The following CNTNAP2 variants were observed in gnomAD, a reference collection of about 807,000 sequenced individuals.
CNTNAP2 encodes the protein contactin associated protein 2.
A neutral mutation model predicts 155.2 loss-of-function variants in CNTNAP2; 98 were observed. The observed-to-expected ratio is 0.63, with a 90% CI of 0.54 to 0.75. The LOEUF (loss-of-function observed/expected upper bound fraction) is 0.75. CNTNAP2 is among the 30% of genes least tolerant of loss of function. The probability of loss-of-function intolerance (pLI) is 0.00; values close to 1 mark genes in which losing one functional copy is unlikely to be tolerated. For missense variants in CNTNAP2, 1,727 were observed against 1,688.1 expected (o/e 1.02, Z -0.40); for synonymous variants, 651 against 631.2 (o/e 1.03, Z -0.47).
At chr7:147,378,664 T>C (rs1796482197) in intron 9 of CNTNAP2, among the ~76,000 whole-genome samples, 2 of 152,042 alleles carry the variant, frequency 1.3e-5, no homozygotes, top group Admixed American at 6.6e-5. Flanking sequence ...TACAGTTGGA[T>C]AGAATGTGTA....
intron 13 of CNTNAP2, among the ~76,000 whole-genome samples, chr7:147,793,223 C>T (rs1797847088): frequency 6.6e-6 from 1 of 151,896 alleles, no homozygotes; most frequent in African/African-American, 2.4e-5. Context: ...TACTTTGTTG[C>T]TTGTGCTTAA....
intron 1 of CNTNAP2, among the ~76,000 whole-genome samples, chr7:146,371,121 A>G (rs1795227681): frequency 6.6e-6 from 1 of 151,952 alleles, no homozygotes; most frequent in Non-Finnish European, 1.5e-5. Flanking sequence ...CATAATTATC[A>G]TTATAATTTT....
chr7:146,921,646 A>G (rs1796500934), intron 3 of CNTNAP2, among the ~76,000 whole-genome samples: 1 of 152,084 alleles, frequency 6.6e-6, no homozygotes. Context: ...CTACGAGAAC[A>G]GTATTGGGGA....
At chr7:146,635,837 A>G (rs1276203595) in intron 1 of CNTNAP2, among the ~76,000 whole-genome samples, 1 of 151,228 alleles carries the variant, frequency 6.6e-6, no homozygotes, top group Non-Finnish European at 1.5e-5. Flanking sequence ...AAATATTTAG[A>G]GTATCAGTTT....
chr7:146,144,336 G>T lies in CNTNAP2; in HGVS notation c.97+27363G>T, dbSNP rs543019167. 1.3e-5 allele frequency among the ~76,000 whole-genome samples: 2 copies of T among 151,866 alleles called. 1 individual carries two copies. Among genetic ancestry groups the T allele is most frequent in the South Asian group, 4.2e-4 (2 of 4,812 alleles). Reference sequence around the variant, plus strand: ...CTGGCTAATTTTCATATTTTGGTTAGAGAGGGGCTTTCACCACATTGCCCA... The same window carrying T: ...CTGGCTAATTTTCATATTTTGGTTATAGAGGGGCTTTCACCACATTGCCCA... On this transcript the variant is annotated intron_variant, in intron 1 of 23. Transcript: ENST00000361727.
chr7:147,761,186 A>G (rs1797293570), intron 13 of CNTNAP2, among the ~76,000 whole-genome samples: 1 of 152,242 alleles, frequency 6.6e-6, no homozygotes, highest in South Asian at 2.1e-4. Context: ...AATGGTATTA[A>G]TGACAAATGT....
At chr7:147,958,029 T>C (rs964993188) in intron 14 of CNTNAP2, among the ~76,000 whole-genome samples, 4 of 152,174 alleles carry the variant, frequency 2.6e-5, no homozygotes, top group Non-Finnish European at 5.9e-5. Context: ...GACAGATGTT[T>C]GCACCACTGT....
chr7:146,396,469 A>G lies in CNTNAP2; in HGVS notation c.97+279496A>G, dbSNP rs951272347. Among the ~76,000 whole-genome samples, 4 of 152,172 alleles carry G rather than the reference A, an allele frequency of 2.6e-5. No individual in the cohort carries two copies. In the East Asian group the frequency reaches 7.7e-4, roughly 29 times the overall value. Reference sequence around the variant, plus strand: ...ATTATTAATTCTAGGTTAGAATTATAAAGCATTATCAAAGATACAGTAGAT... The same window carrying G: ...ATTATTAATTCTAGGTTAGAATTATGAAGCATTATCAAAGATACAGTAGAT... On this transcript the variant is annotated intron_variant, in intron 1 of 23. Coordinates refer to ENST00000361727, the MANE Select transcript of CNTNAP2 (RefSeq NM_014141.6).
chr7:147,149,216 G>A (rs1459422383), intron 8 of CNTNAP2, among the ~76,000 whole-genome samples: 6 of 152,150 alleles, frequency 3.9e-5, no homozygotes, highest in African/African-American at 1.4e-4. Context: ...GCTAGACACA[G>A]AGTGCTGATT....
chr7:147,576,271 A>G (rs1171925113), intron 12 of CNTNAP2, among the ~76,000 whole-genome samples: 1 of 152,112 alleles, frequency 6.6e-6, no homozygotes. Context: ...AGTAGAGCTA[A>G]GTAGCCACCA....
chr7:147,785,196 T>A (rs955734178), intron 13 of CNTNAP2, among the ~76,000 whole-genome samples: 1 of 152,110 alleles, frequency 6.6e-6, no homozygotes, highest in African/African-American at 2.4e-5. Flanking sequence ...AGTTGTCACC[T>A]TCAGAGAGAA....
intron 8 of CNTNAP2, among the ~76,000 whole-genome samples, chr7:147,235,165 C>T (rs1803770289): frequency 6.6e-6 from 1 of 152,118 alleles, no homozygotes; most frequent in Non-Finnish European, 1.5e-5. Context: ...TTCTTGCTTG[C>T]TGGCCTTGAC....
In CNTNAP2 at chr7:146,484,160, A is replaced by G. The variant is rs767890180; in HGVS notation, c.98-290111A>G. 1.1e-4 allele frequency among the ~76,000 whole-genome samples: 16 copies of G among 152,202 alleles called. 1 individual carries two copies. The highest frequency in any genetic ancestry group is 1.8e-4 in the Non-Finnish European group (12 of 68,038). ...TAGTAACATGCTGTACAAGTTTGTT[A>G]CCTGGGAGCAATAGGCTGTACCATA... On this transcript the variant is annotated intron_variant, in intron 1 of 23. Coordinates refer to ENST00000361727, the MANE Select transcript of CNTNAP2 (RefSeq NM_014141.6).
chr7:146,614,696 A>T (rs1444264176), intron 1 of CNTNAP2, among the ~76,000 whole-genome samples: 1 of 152,166 alleles, frequency 6.6e-6, no homozygotes, highest in Non-Finnish European at 1.5e-5. Context: ...AAAGTCAAAG[A>T]CAACTACACA....
intron 1 of CNTNAP2, among the ~76,000 whole-genome samples, chr7:146,136,751 A>G (rs992296396): frequency 6.6e-6 from 1 of 152,132 alleles, no homozygotes; most frequent in Non-Finnish European, 1.5e-5. Flanking sequence ...GTGGCAGTTA[A>G]GTGACTCACA....
At chr7:147,415,729 G>GA (rs1196526713) in intron 10 of CNTNAP2, among the ~76,000 whole-genome samples, 5 of 151,914 alleles carry the variant, frequency 3.3e-5, no homozygotes, top group Admixed American at 2.6e-4. Context: ...GAATGATTAG[G>GA]AAAAAAAATG....
chr7:146,712,391 A>AGTATACATATTTTATGTATACTATATAG (rs1293782028), intron 1 of CNTNAP2, among the ~76,000 whole-genome samples: 1 of 132,170 alleles, frequency 7.6e-6, no homozygotes, highest in Non-Finnish European at 1.7e-5. Context: ...TATACTATAT[A>AGTATACATATTTTATGTATACTATATAG]TATAAATAAA....
intron 1 of CNTNAP2, among the ~76,000 whole-genome samples, chr7:146,603,698 C>T (rs1798990387): frequency 1.3e-5 from 2 of 151,084 alleles, no homozygotes; most frequent in Admixed American, 6.6e-5. Context: ...GTAACCAAAA[C>T]AGCATGGTAC....
At chr7:146,757,908 A>G (rs752956309) in intron 1 of CNTNAP2, among the ~76,000 whole-genome samples, 1 of 151,928 alleles carries the variant, frequency 6.6e-6, no homozygotes, top group Non-Finnish European at 1.5e-5. Flanking sequence ...GGCCTTCTCC[A>G]TTTCCTATTT....
Sources: gnomAD v4.1 joint callset for allele counts (sites outside exome capture counted in the v4.1 genomes callset) on GRCh38, gnomAD v4.1.1 for gene constraint, MANE v1.5 for transcripts, NCBI Gene and HGNC (gene_info 2026-07-23, HGNC 2026-07-21) for gene names.